Variants in ODR4 observed in about 807,000 individuals in gnomAD.
The protein encoded by ODR4 is protein odr-4 homolog.
ODR4 carries 47 observed loss-of-function variants against 60.2 expected under a neutral mutation model. The ratio of observed to expected loss-of-function variants is 0.78; its 90% CI spans 0.62 to 1.00. The LOEUF is 1.00. Among genes scored for constraint, ODR4 ranks in the 50% least tolerant of loss-of-function variants. The pLI is 0.00. For missense variants in ODR4, 488 were observed against 530.8 expected (o/e 0.92, Z 0.79); for synonymous variants, 178 against 175.5 (o/e 1.01, Z -0.11).
intron 9 of ODR4, among the ~76,000 whole-genome samples, chr1:186,396,756 G>GATAGATAT (rs1482593400): frequency 1.3e-5 from 2 of 151,452 alleles, no homozygotes; most frequent in South Asian, 2.1e-4. Flanking sequence ...TAGATAGATA[G>GATAGATAT]ATATATGTAT....
At chr1:186,393,064 A>G (rs1474525104) in intron 8 of ODR4, among the ~76,000 whole-genome samples, 2 of 152,174 alleles carry the variant, frequency 1.3e-5, no homozygotes. Flanking sequence ...CAAATACCGT[A>G]TGTTCTGACT....
At chr1:186,396,692 A>G (rs1660691311) in intron 9 of ODR4, among the ~76,000 whole-genome samples, 1 of 151,370 alleles carries the variant, frequency 6.6e-6, no homozygotes, top group African/African-American at 2.4e-5. Context: ...TTAATAGTCT[A>G]GTCTGTTTTG....
chr1:186,431,381 T>C, the ODR4 span, among the ~76,000 whole-genome samples: 1 of 152,294 alleles, frequency 6.6e-6, no homozygotes, highest in South Asian at 2.1e-4. Flanking sequence ...TTGTGTATTT[T>C]TCCCCCAGCA....
chr1:186,427,737 AC>A, the ODR4 span, among the ~76,000 whole-genome samples: 1 of 152,220 alleles, frequency 6.6e-6, no homozygotes, highest in Non-Finnish European at 1.5e-5. Flanking sequence ...GGCAGCTATC[AC>A]CTTACAAAAT....
chr1:186,430,393 T>C, the ODR4 span, among the ~76,000 whole-genome samples: 1 of 152,200 alleles, frequency 6.6e-6, no homozygotes, highest in South Asian at 2.1e-4. Flanking sequence ...ACTTGCTCAA[T>C]TTGTTGAGGA....
downstream of ODR4, among the ~76,000 whole-genome samples, chr1:186,424,545 T>TA (rs1316660979): frequency 6.6e-6 from 1 of 152,122 alleles, no homozygotes; most frequent in Non-Finnish European, 1.5e-5. Context: ...CCCTCAAACT[T>TA]AATTAGCTTA....
chr1:186,408,937 A>G (rs1179261974), intron 12 of ODR4, among the ~76,000 whole-genome samples: 2 of 152,072 alleles, frequency 1.3e-5, no homozygotes, highest in South Asian at 4.1e-4. Flanking sequence ...TTCATGTTGT[A>G]TGTTAAACAC....
the ODR4 span, among the ~76,000 whole-genome samples, chr1:186,430,915 G>A: frequency 6.6e-6 from 1 of 150,512 alleles, no homozygotes; most frequent in Admixed American, 6.6e-5. Flanking sequence ...CATTTTCTAA[G>A]CCTAAATATT....
In ODR4 at chr1:186,394,007, A is replaced by G; in HGVS notation, c.772A>G (p.Thr258Ala). 1 of 1,456,972 alleles carries G rather than the reference A, an allele frequency of 6.9e-7. No homozygotes were observed. The highest frequency in any genetic ancestry group is 9.4e-7 in the Non-Finnish European group (1 of 1,066,988). The allele number at this position is 1,456,972 out of a possible 1,614,324, so 90.3% of individuals were successfully genotyped here. Residue 258 changes from threonine to alanine, a missense_variant, in exon 9 of 14, where the codon ACG becomes GCG. Physicochemically the swap from Thr to Ala is moderately conservative, Grantham distance 58. Transcript: ENST00000287859. The part of the protein sequence containing the change: ...TSHSFDVRVL[T>A]QLLLNSDHRS... ...TCATTCTTTTGATGTCAGAGTGCTA[A>G]CGCAGTTGGTAAATATTTTAAAATA...
intron 12 of ODR4, among the ~76,000 whole-genome samples, chr1:186,412,936 TTATAA>T (rs1047433586): frequency 3.7e-4 from 57 of 152,228 alleles, no homozygotes; most frequent in Middle Eastern, 3.4e-3. Context: ...TGAAAATGTC[TTATAA>T]TATGTATAAG....
Position 186,419,158 on chromosome 1 carries a change from GTATT to G in ODR4, c.*85_*88del. ...TAATAAAGATGTTAACAATCCATCT[GTATT>G]TAAAACACTAGCAGCCAGATCTGCT... On this transcript the variant is annotated 3_prime_UTR_variant, in exon 14 of 14. Coordinates refer to ENST00000287859, the MANE Select transcript of ODR4 (RefSeq NM_017847.6). 1 of 1,263,342 alleles carries G rather than the reference GTATT, an allele frequency of 7.9e-7. No individual in the cohort carries two copies. Among genetic ancestry groups the G allele is most frequent in the South Asian group, 1.3e-5 (1 of 78,256 alleles). The allele number at this position is 1,263,342 out of a possible 1,614,324, so 78.3% of individuals were successfully genotyped here.
chr1:186,426,063 T>G (rs988597016), downstream of ODR4, among the ~76,000 whole-genome samples: 5 of 152,190 alleles, frequency 3.3e-5, no homozygotes, highest in Non-Finnish European at 5.9e-5. Context: ...CATGAGCTTA[T>G]TAGTTCTACC....
At chr1:186,407,415 G>A (rs191791386) in intron 12 of ODR4, among the ~76,000 whole-genome samples, 18 of 152,154 alleles carry the variant, frequency 1.2e-4, no homozygotes, top group African/African-American at 4.1e-4. Context: ...AGGATCATGA[G>A]GACAGGGATT....
intron 12 of ODR4, among the ~76,000 whole-genome samples, chr1:186,409,142 G>A (rs1661279457): frequency 1.3e-5 from 2 of 151,084 alleles, no homozygotes; most frequent in African/African-American, 2.4e-5. Flanking sequence ...TCAATGGGCC[G>A]TGTTTACACC....
intron 2 of ODR4, among the ~76,000 whole-genome samples, chr1:186,381,852 C>G (rs1195330497): frequency 1.3e-5 from 2 of 152,126 alleles, no homozygotes; most frequent in African/African-American, 2.4e-5. Context: ...GACCTACTTT[C>G]TTTTCCTGTG....
chr1:186,428,284 A>G, the ODR4 span, among the ~76,000 whole-genome samples: 9 of 152,190 alleles, frequency 5.9e-5, no homozygotes, highest in East Asian at 1.5e-3. Context: ...TGCAGCTTCT[A>G]CATCAGTACT....
At chr1:186,403,197 A>G (rs753295507) in intron 11 of ODR4, among the ~76,000 whole-genome samples, 1 of 152,186 alleles carries the variant, frequency 6.6e-6, no homozygotes, top group African/African-American at 2.4e-5. Flanking sequence ...ATAAAAGAAT[A>G]CATTGTAAGT....
chr1:186,379,362 G>C (rs1659928035), intron 1 of ODR4, among the ~76,000 whole-genome samples: 1 of 149,750 alleles, frequency 6.7e-6, no homozygotes, highest in South Asian at 2.1e-4. Context: ...AGAATCACTT[G>C]AACCTGGGAG....
At position 186,390,747 on chromosome 1, in the gene ODR4, G is replaced by C; in HGVS notation, c.511G>C (p.Gly171Arg). Residue 171 changes from glycine (G) to arginine (R), a missense_variant, in exon 7 of 14, where the codon GGA becomes CGA. Coordinates refer to ENST00000287859, the MANE Select transcript of ODR4 (RefSeq NM_017847.6). ...ACCAGCAGATTGGAAGTATCAAAGT[G>C]GATTATCATCCTCATGGCTTTCTTT... ...ARPADWKYQSGLSSSWLSLEC... is the reference protein window; with the variant it reads ...ARPADWKYQSRLSSSWLSLEC... The C allele has an allele frequency of 6.2e-7, 1 of 1,613,464 alleles. No homozygotes were observed. Among genetic ancestry groups the C allele is most frequent in the Non-Finnish European group, 8.5e-7 (1 of 1,179,604 alleles).
Sources: gnomAD v4.1 joint callset for allele counts (sites outside exome capture counted in the v4.1 genomes callset) on GRCh38, gnomAD v4.1.1 for gene constraint, MANE v1.5 for transcripts, NCBI Gene and HGNC (gene_info 2026-07-23, HGNC 2026-07-21) for gene names.